The following SOD2 variants were observed in gnomAD, a reference collection of about 807,000 sequenced individuals.
SOD2 encodes superoxide dismutase [Mn], mitochondrial.
Under a neutral mutation model 27.0 loss-of-function variants are expected in SOD2, and 11 were observed. That is an observed-to-expected ratio of 0.41 (90% CI 0.26 to 0.67). The LOEUF (loss-of-function observed/expected upper bound fraction) is 0.67, where lower values mean the gene tolerates loss of function less well. SOD2 is among the 30% of genes least tolerant of loss of function. The probability of loss-of-function intolerance (pLI) is 0.34; values close to 1 mark genes in which losing one functional copy is unlikely to be tolerated. For missense variants in SOD2, 250 were observed against 274.5 expected (o/e 0.91, Z 0.63); for synonymous variants, 105 against 103.0 (o/e 1.02, Z -0.12).
intron 1 of SOD2, among the ~76,000 whole-genome samples, chr6:159,722,328 G>A (rs1355584192): frequency 1.3e-5 from 2 of 152,170 alleles, no homozygotes; most frequent in East Asian, 1.9e-4. Context: ...AGACTGCAGT[G>A]AGCCATGTTT....
At chr6:159,739,294 C>T (rs1215009215) in intron 1 of SOD2, among the ~76,000 whole-genome samples, 1 of 152,018 alleles carries the variant, frequency 6.6e-6, no homozygotes, top group Non-Finnish European at 1.5e-5. Context: ...TTTTTCCTTT[C>T]GTGTTTAACA....
upstream of SOD2, among the ~76,000 whole-genome samples, chr6:159,729,230 T>C (rs1264479780): frequency 6.6e-6 from 1 of 152,192 alleles, no homozygotes; most frequent in Non-Finnish European, 1.5e-5. Flanking sequence ...ATTTGCTTCT[T>C]GCTCCTCAAA....
rs567277773 is a variant in SOD2 at position 159,672,072 on chromosome 6, C to A, written c.*10421G>T. Reference sequence around the variant, plus strand: ...GAGTAAAAAGAAACGAACAAAGCTTCCAAGAAATATGGGACTATGTGAAAA... The same window carrying A: ...GAGTAAAAAGAAACGAACAAAGCTTACAAGAAATATGGGACTATGTGAAAA... On this transcript the variant is annotated 3_prime_UTR_variant, in exon 5 of 5. Coordinates refer to ENST00000538183, the MANE Select transcript of SOD2 (RefSeq NM_000636.4). 1 of 152,276 alleles carries A rather than the reference C, an allele frequency of 6.6e-6. No homozygotes were observed. The highest frequency in any genetic ancestry group is 2.4e-5 in the African/African-American group (1 of 41,552). 9.4% of individuals were successfully genotyped at this position (152,276 alleles called of 1,614,324 possible). A position where few individuals can be genotyped will look rare whatever the true frequency, so the allele number is the denominator to read the frequency against.
intron 1 of SOD2, chr6:159,713,330 C>A: frequency 1.5e-6 from 1 of 657,340 alleles, no homozygotes; most frequent in Non-Finnish European, 2.8e-6. Flanking sequence ...AGCTCCTCTG[C>A]CAATGCTATT....
Position 159,708,650 on chromosome 6 carries a change from G to A in SOD2, c.-115-15787C>T, listed in dbSNP as rs770110137. 3.3e-5 allele frequency among the ~76,000 whole-genome samples: 5 copies of A among 152,126 alleles called. No homozygotes were observed. The South Asian group carries it at 1.0e-3, about 31-fold the overall frequency. Reference sequence around the variant, plus strand: ...CAAACAAATTGAAGAACATTCCATGGTCATGGATGGGAAGAATCAATATCG... The same window carrying A: ...CAAACAAATTGAAGAACATTCCATGATCATGGATGGGAAGAATCAATATCG... On this transcript the variant is annotated intron_variant, in intron 1 of 2. Transcript: ENST00000401980.
rs1292310235 is a variant in SOD2, at chr6:159,709,652, C to T, written c.-115-16789G>A. On this transcript the variant is annotated intron_variant, in intron 1 of 2. Transcript: ENST00000401980. ...GAGAGGATGTGGAGAAATAGGAACACTTTTACACTGTTGGTGGGACTGTAA... is the reference window on the plus strand; with the variant it reads ...GAGAGGATGTGGAGAAATAGGAACATTTTTACACTGTTGGTGGGACTGTAA... Among the ~76,000 whole-genome samples, 4 of 152,088 alleles carry T rather than the reference C, an allele frequency of 2.6e-5. No homozygotes were observed. The East Asian group carries it at 7.7e-4, about 29-fold the overall frequency.
intron 3 of SOD2, among the ~76,000 whole-genome samples, chr6:159,687,510 C>T (rs1780247273): frequency 6.6e-6 from 1 of 151,674 alleles, no homozygotes; most frequent in Non-Finnish European, 1.5e-5. Flanking sequence ...AAAATGAAGT[C>T]TCTCAGTCTT....
chr6:159,707,557 A>G lies in SOD2; in HGVS notation c.-115-14694T>C, dbSNP rs531898446. Among the ~76,000 whole-genome samples, 4 of 152,332 alleles carry G rather than the reference A, an allele frequency of 2.6e-5. No individual in the cohort carries two copies. In the East Asian group the frequency reaches 5.8e-4, roughly 22 times the overall value. The stretch of plus-strand genomic sequence containing the variant: ...TCCAGGACACATACACCCTCCCAAG[A>G]CTAAACCACAAAGAAGTTGAATCTC... On this transcript the variant is annotated intron_variant, in intron 1 of 2. Transcript: ENST00000401980.
chr6:159,689,564 G>C (rs574245854), intron 2 of SOD2, among the ~76,000 whole-genome samples: 1 of 152,360 alleles, frequency 6.6e-6, no homozygotes, highest in South Asian at 2.1e-4. Context: ...GATACCAAGA[G>C]AAGCAAAGTA....
chr6:159,704,034 C>T (rs1048486560), intron 1 of SOD2, among the ~76,000 whole-genome samples: 9 of 152,112 alleles, frequency 5.9e-5, no homozygotes, highest in African/African-American at 2.2e-4. Context: ...GCCTGTAATC[C>T]CAGCACTTTG....
chr6:159,713,900 A>G, intron 1 of SOD2: 1 of 936,584 alleles, frequency 1.1e-6, no homozygotes, highest in South Asian at 1.5e-5. Flanking sequence ...GCAATCAGAG[A>G]AGTGCATCAC....
chr6:159,711,608 T>C lies in SOD2; in HGVS notation c.-116+15521A>G, dbSNP rs556956940. On this transcript the variant is annotated intron_variant, in intron 1 of 2. Transcript: ENST00000401980. ...GCTCTGACCACCATAACCACCTCCA[T>C]AACCACCACTCAGCTGCTCTGACCA... Among the ~76,000 whole-genome samples, 41 of 120,688 alleles carry C rather than the reference T, an allele frequency of 3.4e-4. 3 individuals are homozygous for C. In the East Asian group the frequency reaches 6.3e-3, roughly 18 times the overall value. The allele number at this position is 120,688 out of a possible 152,430, so 79.2% of individuals were successfully genotyped here.
At chr6:159,702,424 G>T (rs989845235) in intron 1 of SOD2, among the ~76,000 whole-genome samples, 2 of 151,582 alleles carry the variant, frequency 1.3e-5, no homozygotes, top group African/African-American at 4.9e-5. Context: ...AGCCTCCCTA[G>T]GAGCTGGGAC....
upstream of SOD2, among the ~76,000 whole-genome samples, chr6:159,694,178 G>A (rs1247822423): frequency 6.6e-6 from 1 of 152,210 alleles, no homozygotes; most frequent in African/African-American, 2.4e-5. Context: ...GGACAACAGA[G>A]GATTCTTTCC....
chr6:159,703,364 C>A (rs1007806314), intron 1 of SOD2, among the ~76,000 whole-genome samples: 3 of 149,850 alleles, frequency 2.0e-5, no homozygotes, highest in Non-Finnish European at 4.4e-5. Context: ...AAGGAGTGGA[C>A]AAAGAAAGCA....
chr6:159,727,602 C>G (rs2114852206), upstream of SOD2: 1 of 986,480 alleles, frequency 1.0e-6, no homozygotes, highest in African/African-American at 1.7e-5. Context: ...GGCGGCAGAG[C>G]TGTCCGGCTG....
chr6:159,713,951 A>C, intron 1 of SOD2: 2 of 841,998 alleles, frequency 2.4e-6, no homozygotes, highest in South Asian at 3.5e-5. Flanking sequence ...CTGGACCTTC[A>C]CCACGAACCC....
At chr6:159,727,530 G>A, upstream of SOD2, 1 of 992,194 alleles carries the variant, frequency 1.0e-6, no homozygotes, top group Non-Finnish European at 1.2e-6. Flanking sequence ...TTTTGTGGCA[G>A]CGAGACCCAC....
chr6:159,755,235 G>A (rs755105173), intron 1 of SOD2: 11 of 1,614,066 alleles, frequency 6.8e-6, no homozygotes, highest in Admixed American at 5.0e-5. Flanking sequence ...GACTGCAGTC[G>A]TCTGACAAAC....
Sources: gnomAD v4.1 joint callset for allele counts (sites outside exome capture counted in the v4.1 genomes callset) on GRCh38, gnomAD v4.1.1 for gene constraint, MANE v1.5 for transcripts, NCBI Gene and HGNC (gene_info 2026-07-23, HGNC 2026-07-21) for gene names.